Variants in SORCS2 observed in about 807,000 individuals in gnomAD.
The protein encoded by SORCS2 is sortilin related VPS10 domain containing receptor 2, also known as VPS10 domain-containing receptor SorCS2.
A neutral mutation model predicts 141.6 loss-of-function variants in SORCS2; 100 were observed. The observed-to-expected ratio is 0.71, with a 90% CI of 0.60 to 0.83. SORCS2 has a LOEUF of 0.83. Ranked by LOEUF, SORCS2 falls within the 40% of genes least tolerant of loss-of-function variation. The probability of loss-of-function intolerance (pLI) is 0.00; values close to 1 mark genes in which losing one functional copy is unlikely to be tolerated. For missense variants in SORCS2, 1,646 were observed against 1,560.2 expected (o/e 1.05, Z -0.93); for synonymous variants, 789 against 676.9 (o/e 1.17, Z -2.57).
intron 19 of SORCS2, among the ~76,000 whole-genome samples, chr4:7,724,714 GTAT>G (rs1238188819): frequency 7.3e-6 from 1 of 137,800 alleles, no homozygotes; most frequent in Non-Finnish European, 1.5e-5. Flanking sequence ...GGTGGTGATA[GTAT>G]TGGTGGGAAT....
intron 2 of SORCS2, among the ~76,000 whole-genome samples, chr4:7,407,435 C>T (rs985330537): frequency 9.2e-5 from 14 of 152,080 alleles, no homozygotes; most frequent in African/African-American, 2.9e-4. Flanking sequence ...ATATAGTGAC[C>T]TGCTTTGTGT....
chr4:7,470,360 T>A (rs1729898250), intron 2 of SORCS2, among the ~76,000 whole-genome samples: 1 of 151,192 alleles, frequency 6.6e-6, no homozygotes, highest in Middle Eastern at 3.4e-3. Flanking sequence ...TATCGATCCA[T>A]CCATCCATCC....
chr4:7,304,059 C>T (rs2336107), intron 1 of SORCS2, among the ~76,000 whole-genome samples: 19,522 of 152,328 alleles, frequency 0.13, 1,619 homozygotes, highest in Admixed American at 0.25. Flanking sequence ...TTCTTTTCCA[C>T]ACCTTCACGT....
chr4:7,243,582 G>C (rs543705873), intron 1 of SORCS2, among the ~76,000 whole-genome samples: 1 of 152,284 alleles, frequency 6.6e-6, no homozygotes, highest in South Asian at 2.1e-4. Flanking sequence ...GATGACACCC[G>C]TGAAACACCG....
At chr4:7,693,971 G>A (rs1433566040) in intron 11 of SORCS2, among the ~76,000 whole-genome samples, 2 of 152,228 alleles carry the variant, frequency 1.3e-5, no homozygotes, top group Non-Finnish European at 2.9e-5. Flanking sequence ...GGCGGAACCT[G>A]GAAGACTATG....
At chr4:7,720,690 GA>G (rs1726527525) in intron 18 of SORCS2, among the ~76,000 whole-genome samples, 1 of 152,206 alleles carries the variant, frequency 6.6e-6, no homozygotes, top group African/African-American at 2.4e-5. Flanking sequence ...GAGCAGAACT[GA>G]AAAGACGTTT....
intron 1 of SORCS2, among the ~76,000 whole-genome samples, chr4:7,341,944 T>C (rs1316327504): frequency 2.6e-5 from 4 of 152,220 alleles, no homozygotes; most frequent in Non-Finnish European, 5.9e-5. Flanking sequence ...GATAGAATCA[T>C]ATATGATGTG....
intron 1 of SORCS2, among the ~76,000 whole-genome samples, chr4:7,244,063 G>A (rs531053728): frequency 5.9e-5 from 9 of 152,272 alleles, no homozygotes; most frequent in Non-Finnish European, 1.2e-4. Context: ...CCTATTTGTC[G>A]TTGACTCACT....
chr4:7,397,442 C>T (rs1358563635), intron 2 of SORCS2, among the ~76,000 whole-genome samples: 2 of 152,028 alleles, frequency 1.3e-5, no homozygotes, highest in East Asian at 1.9e-4. Flanking sequence ...CCAGCAAAAA[C>T]GCTTTTCCTA....
chr4:7,531,736 A>G, intron 3 of SORCS2, 107 bp downstream of exon 3: 2 of 1,130,828 alleles, frequency 1.8e-6, no homozygotes, highest in Non-Finnish European at 1.3e-6. Flanking sequence ...ACTTTGGCCC[A>G]GGCCGGAGTG....
intron 1 of SORCS2, among the ~76,000 whole-genome samples, chr4:7,348,555 G>GT (rs1487865192): frequency 1.3e-5 from 2 of 152,088 alleles, no homozygotes; most frequent in Admixed American, 6.6e-5. Flanking sequence ...TTGTGTTGTT[G>GT]TTTTTTGTAT....
At chr4:7,245,934 A>C (rs1713050136) in intron 1 of SORCS2, among the ~76,000 whole-genome samples, 1 of 152,180 alleles carries the variant, frequency 6.6e-6, no homozygotes, top group African/African-American at 2.4e-5. Flanking sequence ...GAGTAAATGC[A>C]ATGTTGCATG....
At chr4:7,670,728 G>T (rs1322569223) in intron 8 of SORCS2, among the ~76,000 whole-genome samples, 1 of 152,218 alleles carries the variant, frequency 6.6e-6, no homozygotes, top group Non-Finnish European at 1.5e-5. Context: ...TAGCCTGGTA[G>T]AGGCTTCCCA....
At chr4:7,605,655 A>G (rs1435573720) in intron 3 of SORCS2, among the ~76,000 whole-genome samples, 3 of 152,168 alleles carry the variant, frequency 2.0e-5, no homozygotes, top group African/African-American at 7.2e-5. Context: ...TTAGGCTGCC[A>G]TATTGCCAGA....
chr4:7,522,410 C>T (rs1319485275), intron 2 of SORCS2, among the ~76,000 whole-genome samples: 2 of 152,220 alleles, frequency 1.3e-5, no homozygotes, highest in African/African-American at 4.8e-5. Context: ...TTCTATTTGC[C>T]CGTTTTTAGA....
At chr4:7,292,795 C>G (rs773344884) in intron 1 of SORCS2, among the ~76,000 whole-genome samples, 1 of 152,162 alleles carries the variant, frequency 6.6e-6, no homozygotes, top group African/African-American at 2.4e-5. Context: ...GAAGATGCTA[C>G]GAGCACAGAT....
At chr4:7,496,471 C>G (rs867057961) in intron 2 of SORCS2, among the ~76,000 whole-genome samples, 1,713 of 144,378 alleles carry the variant, frequency 0.012, 53 homozygotes, top group African/African-American at 0.042. Flanking sequence ...CCCCGTCCCC[C>G]GTCCCCCATC....
chr4:7,600,455 G>C (rs573389823), intron 3 of SORCS2, among the ~76,000 whole-genome samples: 1 of 152,270 alleles, frequency 6.6e-6, no homozygotes, highest in Non-Finnish European at 1.5e-5. Context: ...CAAGCCCGCT[G>C]TGCTCTGCGT....
At chr4:7,336,675 G>T (rs1720008376) in intron 1 of SORCS2, among the ~76,000 whole-genome samples, 1 of 134,962 alleles carries the variant, frequency 7.4e-6, no homozygotes, top group Non-Finnish European at 1.6e-5. Context: ...TGTCTCCAAG[G>T]ATGGGGTTTC....
Sources: gnomAD v4.1 joint callset for allele counts (sites outside exome capture counted in the v4.1 genomes callset) on GRCh38, gnomAD v4.1.1 for gene constraint, MANE v1.5 for transcripts, NCBI Gene and HGNC (gene_info 2026-07-23, HGNC 2026-07-21) for gene names.